Variants in NRG3 observed in about 807,000 individuals in gnomAD.
NRG3 encodes the protein pro-neuregulin-3, membrane-bound isoform.
Under a neutral mutation model 66.9 loss-of-function variants are expected in NRG3, and 31 were observed. The observed-to-expected ratio is 0.46, with a 90% CI of 0.35 to 0.63. The LOEUF (loss-of-function observed/expected upper bound fraction) is 0.63, where lower values mean the gene tolerates loss of function less well. Ranked by LOEUF, NRG3 falls within the 20% of genes least tolerant of loss-of-function variation. The pLI, the probability that NRG3 is intolerant of heterozygous loss-of-function variation, is 0.00. For synonymous variants in NRG3, 393 were observed against 359.4 expected (o/e 1.09, Z -1.06); for missense variants, 910 against 878.9 (o/e 1.04, Z -0.45).
intron 2 of NRG3, among the ~76,000 whole-genome samples, chr10:82,629,985 A>T (rs936258630): frequency 3.9e-5 from 6 of 152,122 alleles, no homozygotes; most frequent in Admixed American, 3.3e-4. Context: ...ATTCTGGGGA[A>T]CTGACACCAA....
intron 1 of NRG3, among the ~76,000 whole-genome samples, chr10:82,010,293 A>T (rs140350816): frequency 1.8e-3 from 270 of 152,306 alleles, no homozygotes; most frequent in Middle Eastern, 3.4e-3. Flanking sequence ...CATAATGAGT[A>T]CACTGTGCTG....
chr10:82,031,642 A>T (rs1564752636), intron 1 of NRG3, among the ~76,000 whole-genome samples: 1 of 152,252 alleles, frequency 6.6e-6, no homozygotes, highest in South Asian at 2.1e-4. Flanking sequence ...CCACATATGT[A>T]ACAAAAGTAA....
At chr10:82,828,927 A>G (rs1465458973) in intron 3 of NRG3, among the ~76,000 whole-genome samples, 3 of 152,176 alleles carry the variant, frequency 2.0e-5, no homozygotes, top group African/African-American at 4.8e-5. Context: ...ATGGCAAGGA[A>G]TATATTCTAT....
At chr10:82,584,859 G>C (rs2046569246) in intron 2 of NRG3, among the ~76,000 whole-genome samples, 1 of 152,160 alleles carries the variant, frequency 6.6e-6, no homozygotes, top group Non-Finnish European at 1.5e-5. Flanking sequence ...GGTATGTTCT[G>C]TATGGGAGGT....
chr10:82,394,101 C>T (rs2086566971), intron 2 of NRG3, among the ~76,000 whole-genome samples: 1 of 152,162 alleles, frequency 6.6e-6, no homozygotes, highest in Non-Finnish European at 1.5e-5. Flanking sequence ...CCCTCCATAA[C>T]ATCACACTGT....
At chr10:82,100,755 T>C (rs1361484904) in intron 1 of NRG3, among the ~76,000 whole-genome samples, 1 of 152,122 alleles carries the variant, frequency 6.6e-6, no homozygotes, top group Non-Finnish European at 1.5e-5. Context: ...TATATAGTGC[T>C]GTTTTTGGTT....
At chr10:82,044,201 T>A (rs1348120727) in intron 1 of NRG3, among the ~76,000 whole-genome samples, 1 of 152,026 alleles carries the variant, frequency 6.6e-6, no homozygotes, top group Non-Finnish European at 1.5e-5. Context: ...ATCATATACT[T>A]TATGAAGTTT....
At chr10:82,165,640 A>G (rs923765932) in intron 1 of NRG3, among the ~76,000 whole-genome samples, 2 of 151,980 alleles carry the variant, frequency 1.3e-5, no homozygotes, top group Non-Finnish European at 2.9e-5. Flanking sequence ...TAAATATATT[A>G]CATACTTGTT....
At chr10:81,923,807 T>C (rs1184367285) in intron 1 of NRG3, among the ~76,000 whole-genome samples, 1 of 152,238 alleles carries the variant, frequency 6.6e-6, no homozygotes, top group East Asian at 1.9e-4. Flanking sequence ...TTAATTGTAC[T>C]GTATGACGTT....
At position 82,591,442 on chromosome 10, in the gene NRG3, A is replaced by G. The variant is rs555421955; in HGVS notation, c.954-147135A>G. On this transcript the variant is annotated intron_variant, in intron 2 of 8. Coordinates refer to ENST00000372141, the MANE Select transcript of NRG3 (RefSeq NM_001010848.4). ...TAATGGCATCTAAACTGTAGTAACA[A>G]TCAACGAGTTAGTAAAGCTTGAAAT... 2.6e-5 allele frequency among the ~76,000 whole-genome samples: 4 copies of G among 152,334 alleles called. No homozygotes were observed. In the South Asian group the frequency reaches 8.3e-4, roughly 32 times the overall value.
chr10:81,942,866 C>A (rs866499812), intron 1 of NRG3, among the ~76,000 whole-genome samples: 8 of 152,178 alleles, frequency 5.3e-5, no homozygotes, highest in Non-Finnish European at 1.0e-4. Flanking sequence ...ACAAGTGATT[C>A]TTTGATTAGT....
At chr10:82,506,370 T>G (rs1204375006) in intron 2 of NRG3, among the ~76,000 whole-genome samples, 1 of 152,206 alleles carries the variant, frequency 6.6e-6, no homozygotes, top group Non-Finnish European at 1.5e-5. Flanking sequence ...ATAAGTAATT[T>G]CTTCCAACAA....
chr10:82,622,007 C>T (rs745805458), intron 2 of NRG3, among the ~76,000 whole-genome samples: 10 of 152,142 alleles, frequency 6.6e-5, no homozygotes, highest in Non-Finnish European at 1.0e-4. Flanking sequence ...TTTCCAGTTC[C>T]TTTTCCCATC....
intron 4 of NRG3, among the ~76,000 whole-genome samples, chr10:82,921,244 G>A (rs542476421): frequency 6.6e-6 from 1 of 152,154 alleles, no homozygotes; most frequent in Non-Finnish European, 1.5e-5. Flanking sequence ...GCCAAGTCCC[G>A]ATTGAGGAAC....
intron 1 of NRG3, among the ~76,000 whole-genome samples, chr10:82,166,438 T>C (rs1167723462): frequency 1.3e-5 from 2 of 152,140 alleles, no homozygotes; most frequent in African/African-American, 4.8e-5. Context: ...ACTATTAAAA[T>C]CTATATTTGT....
intron 2 of NRG3, among the ~76,000 whole-genome samples, chr10:82,556,892 A>G (rs1367780255): frequency 1.3e-5 from 2 of 152,088 alleles, no homozygotes; most frequent in East Asian, 3.9e-4. Context: ...AACATGCAGT[A>G]TTTGGTTTCT....
rs201329162 is a variant in NRG3 at position 82,805,449 on chromosome 10, AT to A, written c.1028-59959del. ...TCTTTTGTCCCTGTGTCTTTCTTTTATTTATTTATTTATATTTTTCTTTTTA... is the reference window on the plus strand; with the variant it reads ...TCTTTTGTCCCTGTGTCTTTCTTTTATTATTTATTTATATTTTTCTTTTTA... On this transcript the variant is annotated intron_variant, in intron 3 of 8. Transcript: ENST00000372141. Among the ~76,000 whole-genome samples the A allele has an allele frequency of 7.1e-3, 1,076 of 151,740 alleles. 11 individuals carry two copies. Among genetic ancestry groups the A allele is most frequent in the African/African-American group, 0.023 (942 of 41,394 alleles).
At chr10:82,203,787 A>G (rs775682343) in intron 1 of NRG3, among the ~76,000 whole-genome samples, 2 of 152,200 alleles carry the variant, frequency 1.3e-5, no homozygotes, top group Non-Finnish European at 2.9e-5. Context: ...GGAATCAACA[A>G]TGAAAGTTGG....
chr10:82,292,814 T>C (rs1159014460), intron 1 of NRG3, among the ~76,000 whole-genome samples: 8 of 152,102 alleles, frequency 5.3e-5, no homozygotes, highest in Admixed American at 1.3e-4. Flanking sequence ...TGGAAAACAA[T>C]GTGTAGTTTC....
Sources: gnomAD v4.1 joint callset for allele counts (sites outside exome capture counted in the v4.1 genomes callset) on GRCh38, gnomAD v4.1.1 for gene constraint, MANE v1.5 for transcripts, NCBI Gene and HGNC (gene_info 2026-07-23, HGNC 2026-07-21) for gene names.